The following PALLD variants were observed in gnomAD, a reference collection of about 807,000 sequenced individuals.
PALLD encodes the protein palladin.
PALLD carries 61 observed loss-of-function variants against 123.5 expected under a neutral mutation model. That is an observed-to-expected ratio of 0.49 (90% CI 0.40 to 0.61). The LOEUF is 0.61. Ranked by LOEUF, PALLD falls within the 20% of genes least tolerant of loss-of-function variation. The pLI is 0.00. For missense variants in PALLD, 1,273 were observed against 1,377.0 expected, an observed-to-expected ratio of 0.92 and a Z score of 1.20; for synonymous variants, 465 against 496.4, an observed-to-expected ratio of 0.94 and a Z score of 0.84.
chr4:168,528,917 A>G (rs1208001223), intron 2 of PALLD, among the ~76,000 whole-genome samples: 1 of 152,172 alleles, frequency 6.6e-6, no homozygotes, highest in African/African-American at 2.4e-5. Context: ...ACCGAATATC[A>G]TGGAGTTTGG....
intron 10 of PALLD, among the ~76,000 whole-genome samples, chr4:168,800,479 G>C (rs570100179): frequency 2.5e-4 from 38 of 152,216 alleles, no homozygotes; most frequent in Admixed American, 6.5e-4. Flanking sequence ...ACCAAAGAGA[G>C]AATTCAAATG....
rs150961800 is a variant in PALLD, at chr4:168,539,568, A to AAAAT, written c.908+27200_908+27203dup. 7.3e-3 allele frequency among the ~76,000 whole-genome samples: 1,058 copies of AAAAT among 145,480 alleles called. 5 individuals carry two copies. The highest frequency in any genetic ancestry group is 0.01 in the African/African-American group (397 of 39,326). On this transcript the variant is annotated intron_variant, in intron 2 of 21. Transcript: ENST00000505667. Reference sequence around the variant, plus strand: ...GCGCCACTGACTGTCTCAAAAAATAAAAATAAATAAATAAATAAATAAATA... The same window carrying AAAAT: ...GCGCCACTGACTGTCTCAAAAAATAAAAATAAATAAATAAATAAATAAATAAATA...
At chr4:168,748,740 C>T (rs9654305) in intron 10 of PALLD, among the ~76,000 whole-genome samples, 84,452 of 151,864 alleles carry the variant, frequency 0.56, 23,784 homozygotes, top group African/African-American at 0.64. Flanking sequence ...GTTATATGAC[C>T]GGGCCTTGGT....
intron 8 of PALLD, among the ~76,000 whole-genome samples, chr4:168,699,186 C>G (rs942785504): frequency 6.6e-6 from 1 of 152,168 alleles, no homozygotes; most frequent in Non-Finnish European, 1.5e-5. Context: ...TCAAGTGATT[C>G]TCCTGCCTTA....
In PALLD at chr4:168,917,955, C is replaced by A. The variant is rs7667397; in HGVS notation, c.2850+1928C>A. 2.8e-3 allele frequency among the ~76,000 whole-genome samples: 421 copies of A among 152,190 alleles called. 1 individual carries two copies. Among genetic ancestry groups the A allele is most frequent in the African/African-American group, 9.3e-3 (388 of 41,526 alleles). On this transcript the variant is annotated intron_variant, in intron 17 of 21. Coordinates refer to ENST00000505667, the MANE Select transcript of PALLD (RefSeq NM_001166108.2). ...GTGGCACACGCCTGTAATCCCAGCACTTTGGGAGGCTGAGGCGGGCGGATC... is the reference window on the plus strand; with the variant it reads ...GTGGCACACGCCTGTAATCCCAGCAATTTGGGAGGCTGAGGCGGGCGGATC...
chr4:168,549,648 A>G (rs1766523717), intron 2 of PALLD, among the ~76,000 whole-genome samples: 1 of 152,138 alleles, frequency 6.6e-6, no homozygotes, highest in Admixed American at 6.6e-5. Context: ...GGGAAGCTAG[A>G]GCCTATAATT....
chr4:168,724,576 A>G (rs1289409152), intron 10 of PALLD, among the ~76,000 whole-genome samples: 1 of 152,248 alleles, frequency 6.6e-6, no homozygotes. Context: ...AAGGAATTAG[A>G]TAGTATGTCA....
At chr4:168,757,892 C>T (rs995140288) in intron 10 of PALLD, among the ~76,000 whole-genome samples, 4 of 152,056 alleles carry the variant, frequency 2.6e-5, no homozygotes, top group Non-Finnish European at 5.9e-5. Context: ...ACCAACATGG[C>T]GAAACCTGTC....
chr4:168,503,646 C>CAAA lies in PALLD; in HGVS notation c.-83+6465_-83+6467dup, dbSNP rs35693126. ...TGGGCAACAGAGCGAGACTCCATCT[C>CAAA]AAAAAAAAAAAAAAAGAAAAAGAAA... On this transcript the variant is annotated intron_variant, in intron 1 of 21. Coordinates refer to ENST00000505667, the MANE Select transcript of PALLD (RefSeq NM_001166108.2). Among the ~76,000 whole-genome samples, 501 of 111,682 alleles carry CAAA rather than the reference C, an allele frequency of 4.5e-3. 1 individual carries two copies. Among genetic ancestry groups the CAAA allele is most frequent in the East Asian group, 9.3e-3 (35 of 3,754 alleles). 73.3% of individuals were successfully genotyped at this position (111,682 alleles called of 152,430 possible).
chr4:168,908,053 A>G (rs1758176998), intron 15 of PALLD, among the ~76,000 whole-genome samples: 1 of 152,226 alleles, frequency 6.6e-6, no homozygotes, highest in Admixed American at 6.5e-5. Flanking sequence ...AAATGTATAT[A>G]TCCCACTGAA....
intron 10 of PALLD, among the ~76,000 whole-genome samples, chr4:168,811,470 C>T (rs1741103155): frequency 6.6e-6 from 1 of 152,186 alleles, no homozygotes; most frequent in Non-Finnish European, 1.5e-5. Flanking sequence ...CATGATGGCA[C>T]ATGCCTGTAA....
At chr4:168,537,857 G>A (rs1016734347) in intron 2 of PALLD, 1 of 152,214 alleles carries the variant, frequency 6.6e-6, no homozygotes, top group East Asian at 1.9e-4. Context: ...TGGATGAAAG[G>A]TTCAGGAAAA....
intron 3 of PALLD, among the ~76,000 whole-genome samples, chr4:168,677,610 A>G (rs1780989479): frequency 6.6e-6 from 1 of 151,864 alleles, no homozygotes; most frequent in Admixed American, 6.6e-5. Context: ...TAACTTCCAT[A>G]TGGTTTTTGC....
At chr4:168,847,307 G>C (rs184900677) in intron 10 of PALLD, among the ~76,000 whole-genome samples, 3 of 152,272 alleles carry the variant, frequency 2.0e-5, no homozygotes, top group Admixed American at 1.3e-4. Flanking sequence ...TACTTGAAGA[G>C]AGCATGTCTA....
chr4:168,633,330 GT>G (rs939152025), intron 2 of PALLD, among the ~76,000 whole-genome samples: 38 of 152,300 alleles, frequency 2.5e-4, no homozygotes, highest in African/African-American at 8.4e-4. Context: ...ACATGAAGAT[GT>G]TATGAGCATG....
At chr4:168,629,602 A>G (rs1172705374) in intron 2 of PALLD, among the ~76,000 whole-genome samples, 1 of 152,214 alleles carries the variant, frequency 6.6e-6, no homozygotes, top group Non-Finnish European at 1.5e-5. Flanking sequence ...GCTCAGGGGA[A>G]TCTGCATTTT....
intron 10 of PALLD, among the ~76,000 whole-genome samples, chr4:168,867,944 C>T (rs1750542712): frequency 6.7e-6 from 1 of 150,354 alleles, no homozygotes; most frequent in Admixed American, 6.6e-5. Flanking sequence ...TGAGATAAAA[C>T]TGGTCTGAGG....
At chr4:168,500,914 T>C (rs1253313176) in intron 1 of PALLD, among the ~76,000 whole-genome samples, 1 of 152,218 alleles carries the variant, frequency 6.6e-6, no homozygotes, top group Non-Finnish European at 1.5e-5. Context: ...AATATTAGGA[T>C]AGTCATGCCA....
At chr4:168,794,041 C>T (rs961888720) in intron 10 of PALLD, among the ~76,000 whole-genome samples, 19 of 152,176 alleles carry the variant, frequency 1.2e-4, no homozygotes, top group Non-Finnish European at 1.2e-4. Context: ...GGGGCTGTTT[C>T]TCCTCTAGGT....
Sources: gnomAD v4.1 joint callset for allele counts (sites outside exome capture counted in the v4.1 genomes callset) on GRCh38, gnomAD v4.1.1 for gene constraint, MANE v1.5 for transcripts, NCBI Gene and HGNC (gene_info 2026-07-23, HGNC 2026-07-21) for gene names.